PBX1: variants seen among roughly 807,000 people sequenced by gnomAD.
PBX1 encodes PBX homeobox 1.
Under a neutral mutation model 53.4 loss-of-function variants are expected in PBX1, and 6 were observed. The observed-to-expected ratio is 0.11, with a 90% confidence interval of 0.06 to 0.22. The LOEUF is 0.22. Among genes scored for constraint, PBX1 ranks in the 10% least tolerant of loss-of-function variants. PBX1 has a pLI of 1.00. For missense variants in PBX1, 251 were observed against 551.4 expected, an observed-to-expected ratio of 0.46 and a Z score of 5.46; for synonymous variants, 204 against 212.3, an observed-to-expected ratio of 0.96 and a Z score of 0.34.
intron 2 of PBX1, among the ~76,000 whole-genome samples, chr1:164,612,619 C>T (rs1657012790): frequency 6.6e-6 from 1 of 151,900 alleles, no homozygotes; most frequent in African/African-American, 2.4e-5. Flanking sequence ...TTTGTATTTA[C>T]ATTTTTTTTT....
At chr1:164,766,275 A>G (rs891738548) in intron 2 of PBX1, among the ~76,000 whole-genome samples, 2 of 152,212 alleles carry the variant, frequency 1.3e-5, no homozygotes, top group African/African-American at 4.8e-5. Flanking sequence ...AAACAGCTGG[A>G]CTGAGCAGTG....
chr1:164,698,060 C>T (rs1446945768), intron 2 of PBX1, among the ~76,000 whole-genome samples: 1 of 152,120 alleles, frequency 6.6e-6, no homozygotes, highest in Non-Finnish European at 1.5e-5. Context: ...TCGGGCTCTT[C>T]TCTTTTTTAG....
At chr1:164,725,998 A>G (rs937852205) in intron 2 of PBX1, among the ~76,000 whole-genome samples, 5 of 152,186 alleles carry the variant, frequency 3.3e-5, no homozygotes, top group Admixed American at 6.5e-5. Context: ...CTTGTGTTCA[A>G]CTGAAAGTTT....
intron 2 of PBX1, among the ~76,000 whole-genome samples, chr1:164,593,109 C>T (rs1655520214): frequency 1.3e-5 from 2 of 151,984 alleles, no homozygotes; most frequent in Non-Finnish European, 2.9e-5. Flanking sequence ...AGGTGTGTGC[C>T]ACCACACCCA....
chr1:164,619,112 CAAAA>C (rs1483370047), intron 2 of PBX1, among the ~76,000 whole-genome samples: 5 of 152,034 alleles, frequency 3.3e-5, no homozygotes, highest in Non-Finnish European at 7.4e-5. Flanking sequence ...GGGAGAGAAA[CAAAA>C]GAAGGAAACT....
chr1:164,560,988 C>G (rs1002065018), intron 1 of PBX1, among the ~76,000 whole-genome samples: 6 of 152,204 alleles, frequency 3.9e-5, no homozygotes, highest in Non-Finnish European at 8.8e-5. Context: ...ATATGGTTCT[C>G]TACTTCAGGA....
Position 164,838,048 on chromosome 1 carries a change from G to A in PBX1, c.1201-8536G>A, listed in dbSNP as rs74488550. Among the ~76,000 whole-genome samples, 643 of 152,242 alleles carry A rather than the reference G, an allele frequency of 4.2e-3. 10 individuals are homozygous for A. The highest frequency in any genetic ancestry group is 0.03 in the East Asian group (156 of 5,174). Reference sequence around the variant, plus strand: ...CTCAGAGTTGATGTATTATACAAGCGCACTTTAATAATGTGGCATTAGGAT... The same window carrying A: ...CTCAGAGTTGATGTATTATACAAGCACACTTTAATAATGTGGCATTAGGAT... On this transcript the variant is annotated intron_variant, in intron 8 of 8. Coordinates refer to ENST00000420696, the MANE Select transcript of PBX1 (RefSeq NM_002585.4).
chr1:164,830,098 G>A (rs1323022432), intron 8 of PBX1: 1 of 152,078 alleles, frequency 6.6e-6, no homozygotes, highest in Non-Finnish European at 1.5e-5. Context: ...CCGGTTATTT[G>A]GTAACTGTAA....
At chr1:164,625,718 G>C (rs1051019803) in intron 2 of PBX1, among the ~76,000 whole-genome samples, 3 of 151,144 alleles carry the variant, frequency 2.0e-5, no homozygotes, top group South Asian at 4.2e-4. Flanking sequence ...GTGAGTGTGT[G>C]TGTGTTAATA....
rs1668038276 is a variant in PBX1 at position 164,783,729 on chromosome 1, T to G, written c.266-8765T>G. Among the ~76,000 whole-genome samples, 3 of 150,984 alleles carry G rather than the reference T, an allele frequency of 2.0e-5. 1 individual carries two copies. On this transcript the variant is annotated intron_variant, in intron 2 of 8. Transcript: ENST00000420696. ...CACCCAAGGCCTGTTTTAGTGTACG[T>G]TTTTTTTTGTGCCATGCTGTGGCAC...
At chr1:164,587,894 C>T (rs914159343) in intron 2 of PBX1, among the ~76,000 whole-genome samples, 12 of 152,308 alleles carry the variant, frequency 7.9e-5, no homozygotes, top group Non-Finnish European at 1.6e-4. Flanking sequence ...CACCCCTTTT[C>T]TGAATCTCCT....
chr1:164,582,775 C>T (rs927668540), intron 2 of PBX1, among the ~76,000 whole-genome samples: 6 of 152,098 alleles, frequency 3.9e-5, no homozygotes, highest in East Asian at 1.9e-4. Context: ...TTGCCCTCAA[C>T]GACATGATAA....
chr1:164,627,907 C>T (rs1454683154), intron 2 of PBX1, among the ~76,000 whole-genome samples: 1 of 152,190 alleles, frequency 6.6e-6, no homozygotes, highest in Non-Finnish European at 1.5e-5. Flanking sequence ...CAAGCTGGTT[C>T]TCTGCTATGA....
At chr1:164,571,451 G>GT (rs1256576791) in intron 2 of PBX1, among the ~76,000 whole-genome samples, 1 of 151,946 alleles carries the variant, frequency 6.6e-6, no homozygotes, top group African/African-American at 2.4e-5. Context: ...AATATTTGAT[G>GT]TTTTTTGACT....
At chr1:164,833,197 A>AAAAAAC (rs148178589) in intron 8 of PBX1, among the ~76,000 whole-genome samples, 42,108 of 151,122 alleles carry the variant, frequency 0.28, 6,105 homozygotes, top group Middle Eastern at 0.34. Context: ...CCCCTCGCTA[A>AAAAAAC]AAAAACAAAA....
chr1:164,664,081 A>T (rs892923514), intron 2 of PBX1, among the ~76,000 whole-genome samples: 1 of 152,236 alleles, frequency 6.6e-6, no homozygotes, highest in Non-Finnish European at 1.5e-5. Flanking sequence ...ATTACCTAAT[A>T]TTAATCTACA....
intron 2 of PBX1, among the ~76,000 whole-genome samples, chr1:164,739,753 ATGTG>A (rs57602745): frequency 0.11 from 15,889 of 142,928 alleles, 1,304 homozygotes; most frequent in African/African-American, 0.23. Flanking sequence ...GTGGTTGTGC[ATGTG>A]TGTGTGTGTG....
At chr1:164,870,349 C>CTT (rs1265143821) in intron 2 of PBX1, among the ~76,000 whole-genome samples, 2 of 94,790 alleles carry the variant, frequency 2.1e-5, no homozygotes, top group Non-Finnish European at 2.1e-5. Context: ...TTCTTTCTTT[C>CTT]TTTCTTTCTT....
chr1:164,733,265 T>C (rs1423140497), intron 2 of PBX1, among the ~76,000 whole-genome samples: 1 of 152,138 alleles, frequency 6.6e-6, no homozygotes, highest in African/African-American at 2.4e-5. Context: ...ACTGAGAACT[T>C]CTTGATGTCG....
Sources: gnomAD v4.1 joint callset for allele counts (sites outside exome capture counted in the v4.1 genomes callset) on GRCh38, gnomAD v4.1.1 for gene constraint, MANE v1.5 for transcripts, NCBI Gene and HGNC (gene_info 2026-07-23, HGNC 2026-07-21) for gene names.